Variants in SNX25 observed in about 807,000 individuals in gnomAD.
The protein encoded by SNX25 is sorting nexin 25, also known as sorting nexin-25.
A neutral mutation model predicts 113.7 loss-of-function variants in SNX25; 62 were observed. The observed-to-expected ratio is 0.55, with a 90% CI of 0.44 to 0.67. The LOEUF is 0.67. SNX25 is among the 30% of genes least tolerant of loss of function. The pLI, the probability that SNX25 is intolerant of heterozygous loss-of-function variation, is 0.00. For missense variants in SNX25, 1,014 were observed against 1,161.0 expected, an observed-to-expected ratio of 0.87 and a Z score of 1.84; for synonymous variants, 421 against 436.2, an observed-to-expected ratio of 0.97 and a Z score of 0.43.
chr4:185,239,083 C>A (rs114109509), intron 1 of SNX25, among the ~76,000 whole-genome samples: 4 of 152,086 alleles, frequency 2.6e-5, no homozygotes, highest in Admixed American at 2.0e-4. Flanking sequence ...GAGCGCATTA[C>A]GGCTGGTACT....
At chr4:185,246,974 ATTC>A (rs984603183) in intron 1 of SNX25, among the ~76,000 whole-genome samples, 5 of 152,156 alleles carry the variant, frequency 3.3e-5, no homozygotes, top group African/African-American at 1.2e-4. Context: ...TTAATTTCAA[ATTC>A]TTCTTAAGAA....
chr4:185,358,243 G>A lies in SNX25; in HGVS notation c.2651+506G>A, dbSNP rs770032668. 3.9e-5 allele frequency among the ~76,000 whole-genome samples: 6 copies of A among 152,168 alleles called. 1 individual carries two copies. The highest frequency in any genetic ancestry group is 8.8e-5 in the Non-Finnish European group (6 of 68,042). ...TATCTGCGTATCCACTGGGGTGTGT[G>A]TGTGGCCCTGTCATCTAGCACTGTT... On this transcript the variant is annotated intron_variant, in intron 16 of 18. Coordinates refer to ENST00000652585, the MANE Select transcript of SNX25 (RefSeq NM_001378034.2).
intron 16 of SNX25, 116 bp downstream of exon 16, chr4:185,357,853 C>T: frequency 1.2e-6 from 1 of 860,688 alleles, no homozygotes; most frequent in Non-Finnish European, 1.9e-6. Context: ...TTTTCTCTCA[C>T]TTTTCGTTTC....
intron 6 of SNX25, among the ~76,000 whole-genome samples, chr4:185,304,114 C>T (rs756772705): frequency 2.0e-4 from 31 of 152,252 alleles, no homozygotes; most frequent in Admixed American, 8.5e-4. Context: ...TTCTTGAACC[C>T]TTCCATCAAG....
intron 1 of SNX25, among the ~76,000 whole-genome samples, chr4:185,215,550 G>A (rs1376338940): frequency 1.3e-5 from 2 of 152,108 alleles, no homozygotes; most frequent in African/African-American, 2.4e-5. Context: ...CAGGAATTAG[G>A]GAGACTATTT....
intron 3 of SNX25, among the ~76,000 whole-genome samples, chr4:185,263,986 C>G (rs1350433463): frequency 6.6e-6 from 1 of 152,142 alleles, no homozygotes; most frequent in Non-Finnish European, 1.5e-5. Flanking sequence ...GTTTATAGAC[C>G]CTCTAGCTCA....
chr4:185,250,731 T>C (rs1439755347), intron 2 of SNX25, among the ~76,000 whole-genome samples: 1 of 151,956 alleles, frequency 6.6e-6, no homozygotes, highest in African/African-American at 2.4e-5. Context: ...GGTTTTTTTT[T>C]TTTTTACTTT....
chr4:185,335,314 TCTCACA>T (rs1443986913), intron 10 of SNX25, among the ~76,000 whole-genome samples: 22 of 74,130 alleles, frequency 3.0e-4, no homozygotes, highest in African/African-American at 9.9e-4. Flanking sequence ...AGTGAAAAAG[TCTCACA>T]CACACACACA....
At chr4:185,255,290 C>T (rs761466590) in intron 2 of SNX25, among the ~76,000 whole-genome samples, 3 of 151,996 alleles carry the variant, frequency 2.0e-5, no homozygotes, top group African/African-American at 7.3e-5. Context: ...CCTGCCACCA[C>T]GCACGGCTAA....
intron 2 of SNX25, among the ~76,000 whole-genome samples, chr4:185,257,724 T>C (rs1232221808): frequency 6.6e-6 from 1 of 152,128 alleles, no homozygotes; most frequent in Non-Finnish European, 1.5e-5. Context: ...CTAGAAAACT[T>C]AAAACTTACA....
At chr4:185,254,292 T>G (rs1047455808) in intron 2 of SNX25, among the ~76,000 whole-genome samples, 1 of 152,196 alleles carries the variant, frequency 6.6e-6, no homozygotes, top group Non-Finnish European at 1.5e-5. Flanking sequence ...TTTAAAACTT[T>G]ACAAACCATA....
downstream of SNX25, chr4:185,370,830 G>C: frequency 6.2e-7 from 1 of 1,613,412 alleles, no homozygotes; most frequent in Non-Finnish European, 8.5e-7. Context: ...AGGATGTAGA[G>C]TTGTGAAATG....
intron 1 of SNX25, among the ~76,000 whole-genome samples, chr4:185,220,496 T>TG (rs1553983086): frequency 6.6e-6 from 1 of 151,066 alleles, no homozygotes; most frequent in Non-Finnish European, 1.5e-5. Context: ...TTTTTTTTTT[T>TG]TTTTGAGATG....
At chr4:185,206,369 C>T (rs914626522), upstream of SNX25, among the ~76,000 whole-genome samples, 9 of 152,260 alleles carry the variant, frequency 5.9e-5, no homozygotes, top group African/African-American at 2.2e-4. Flanking sequence ...GTCTGCAGGA[C>T]AGACAGAATG....
At chr4:185,240,526 AC>A (rs1298834200) in intron 1 of SNX25, among the ~76,000 whole-genome samples, 63 of 144,894 alleles carry the variant, frequency 4.3e-4, no homozygotes, top group African/African-American at 1.6e-3. Flanking sequence ...CGGGGGGCTG[AC>A]CCCCCCACCT....
intron 1 of SNX25, among the ~76,000 whole-genome samples, chr4:185,222,908 A>G (rs74555243): frequency 0.017 from 2,611 of 152,350 alleles, 53 homozygotes; most frequent in Middle Eastern, 0.068. Context: ...AATACTTTCA[A>G]AGGTTCTTTG....
intron 5 of SNX25, among the ~76,000 whole-genome samples, chr4:185,278,888 A>G (rs893342628): frequency 6.6e-6 from 1 of 152,196 alleles, no homozygotes; most frequent in East Asian, 1.9e-4. Context: ...TAGAAAATAG[A>G]TATGGATAGC....
At chr4:185,259,329 T>C (rs1238498300) in intron 3 of SNX25, among the ~76,000 whole-genome samples, 1 of 152,196 alleles carries the variant, frequency 6.6e-6, no homozygotes, top group Non-Finnish European at 1.5e-5. Context: ...GATGATCTTA[T>C]AGTATTATGA....
chr4:185,209,769 G>T lies in SNX25; in HGVS notation c.-58G>T. On this transcript the variant is annotated 5_prime_UTR_variant, in exon 1 of 19. Coordinates refer to ENST00000652585, the MANE Select transcript of SNX25 (RefSeq NM_001378034.2). The surrounding 1 kb of genome is among the most constrained non-coding windows in gnomAD (Gnocchi z 5.2). ...CGCGGGCTCCCCCTGCCTCCGGAGC[G>T]CCGGCGGGGGACCGGGGGGCAGGAG... The T allele has an allele frequency of 2.0e-6, 2 of 984,094 alleles. No homozygotes were observed. The highest frequency in any genetic ancestry group is 2.4e-6 in the Non-Finnish European group (2 of 829,468). The allele number at this position is 984,094 out of a possible 1,614,324, so 61.0% of individuals were successfully genotyped here.
Sources: gnomAD v4.1 joint callset for allele counts (sites outside exome capture counted in the v4.1 genomes callset) on GRCh38, gnomAD v4.1.1 for gene constraint, Gnocchi (gnomAD v3.1) non-coding constraint, MANE v1.5 for transcripts, NCBI Gene and HGNC (gene_info 2026-07-23, HGNC 2026-07-21) for gene names.